The following SEC14L2 variants were observed in gnomAD, a reference collection of about 807,000 sequenced individuals.
The protein encoded by SEC14L2 is SEC14-like protein 2.
In SEC14L2, 50 loss-of-function variants were observed where a neutral mutation model predicts 56.9. The ratio of observed to expected loss-of-function variants is 0.88; its 90% CI spans 0.70 to 1.11. The LOEUF (loss-of-function observed/expected upper bound fraction) is 1.11, where lower values mean the gene tolerates loss of function less well. Ranked by LOEUF, SEC14L2 falls within the 50% of genes most tolerant of loss-of-function variation. SEC14L2 has a pLI of 0.00. For synonymous variants in SEC14L2, 179 were observed against 188.5 expected, an observed-to-expected ratio of 0.95 and a Z score of 0.41; for missense variants, 414 against 500.7, an observed-to-expected ratio of 0.83 and a Z score of 1.65.
chr22:30,407,601 A>C lies in SEC14L2; in HGVS notation c.421A>C (p.Lys141Gln). 6.2e-7 allele frequency: 1 copy of C among 1,613,082 alleles called. No homozygotes were observed. Among genetic ancestry groups the C allele is most frequent in the Non-Finnish European group, 8.5e-7 (1 of 1,179,326 alleles). The change falls in exon 5 of 12, where the codon AAG becomes CAG. Residue 141 changes from lysine to glutamine, a missense_variant and splice_region_variant. Lys to Gln is a moderately conservative substitution (Grantham distance 53). Coordinates refer to ENST00000615189, the MANE Select transcript of SEC14L2 (RefSeq NM_012429.5). ...LLQECAHQTTKLGRKVETITI... is the reference protein window; with the variant it reads ...LLQECAHQTTQLGRKVETITI... The stretch of plus-strand genomic sequence containing the variant: ...GCAAGAGTGTGCCCACCAGACCACA[A>C]AGGTGAGTGGACCACCATGGCTAGA...
intron 11 of SEC14L2, among the ~76,000 whole-genome samples, chr22:30,417,510 C>A (rs763423272): frequency 6.6e-6 from 1 of 152,058 alleles, no homozygotes; most frequent in African/African-American, 2.4e-5. Flanking sequence ...AGGCTAGCTC[C>A]ATGGCCTTTG....
intron 1 of SEC14L2, chr22:30,398,439 G>C (rs1218346458): frequency 3.0e-6 from 1 of 335,480 alleles, no homozygotes; most frequent in East Asian, 7.6e-5. Context: ...CTCTAGGTCA[G>C]TGGTCAGGGA....
intron 1 of SEC14L2, 121 bp from the exon 2 acceptor site, chr22:30,399,513 CAAAAAAAAA>C (rs60817387): frequency 0.018 from 4,330 of 242,780 alleles, 31 homozygotes; most frequent in Admixed American, 0.041. Context: ...GACTCTATCT[CAAAAAAAAA>C]AAAAAAAAAA....
intron 2 of SEC14L2, among the ~76,000 whole-genome samples, chr22:30,403,170 G>A (rs985625855): frequency 6.6e-6 from 1 of 152,056 alleles, no homozygotes; most frequent in Admixed American, 6.6e-5. Flanking sequence ...AGTCACACAC[G>A]GGCAGAATGT....
intron 2 of SEC14L2, among the ~76,000 whole-genome samples, chr22:30,404,268 T>C (rs988048105): frequency 6.6e-6 from 1 of 152,160 alleles, no homozygotes; most frequent in East Asian, 1.9e-4. Context: ...AGCTGTCCCA[T>C]GCTGCCATGG....
Position 30,415,739 on chromosome 22 carries a change from T to C in SEC14L2, c.665-20T>C. 6.2e-7 allele frequency: 1 copy of C among 1,603,822 alleles called. No individual in the cohort carries two copies. Among genetic ancestry groups the C allele is most frequent in the Non-Finnish European group, 8.5e-7 (1 of 1,170,784 alleles). On this transcript the variant is annotated intron_variant, in intron 8 of 11. Transcript: ENST00000615189. The stretch of plus-strand genomic sequence containing the variant: ...CTAGTGTTGAGATACATCTTTATCC[T>C]TCCTTCCCTCTCCTGCCAGCAAATT...
At chr22:30,401,186 GATTTATTTATTTATTTATTTATTT>G (rs55835116) in intron 2 of SEC14L2, among the ~76,000 whole-genome samples, 1 of 146,326 alleles carries the variant, frequency 6.8e-6, no homozygotes, top group East Asian at 2.0e-4. Flanking sequence ...GGTCTCAAGT[GATTTATTTATTTATTTATTTATTT>G]ATTTATTTAT....
At position 30,399,552 on chromosome 22, in the gene SEC14L2, G is replaced by A. The variant is rs563191492; in HGVS notation, c.55-91G>A. On this transcript the variant is annotated intron_variant, in intron 1 of 11. Coordinates refer to ENST00000615189, the MANE Select transcript of SEC14L2 (RefSeq NM_012429.5). Reference sequence around the variant, plus strand: ...AAAAAAAAAAAGAAACAAAGAAAGAGGCGTCCAGCAAAGATCTCAGTGGAG... The same window carrying A: ...AAAAAAAAAAAGAAACAAAGAAAGAAGCGTCCAGCAAAGATCTCAGTGGAG... 54 of 679,780 alleles carry A rather than the reference G, an allele frequency of 7.9e-5. 1 individual carries two copies. The South Asian group carries it at 1.4e-3, about 17-fold the overall frequency. 42.1% of individuals were successfully genotyped at this position (679,780 alleles called of 1,614,324 possible).
At position 30,422,535 on chromosome 22, in the gene SEC14L2, T is replaced by C; in HGVS notation, c.*128T>C. ...GCTGGAGGACAGACCTCAGGAGCTT[T>C]CATTTCAGTTAGGCAGAGGAAGAGC... On this transcript the variant is annotated 3_prime_UTR_variant, in exon 12 of 12. Transcript: ENST00000615189. 1.7e-6 allele frequency: 2 copies of C among 1,200,512 alleles called. No homozygotes were observed. Among genetic ancestry groups the C allele is most frequent in the East Asian group, 4.9e-5 (2 of 41,144 alleles). 74.4% of individuals were successfully genotyped at this position (1,200,512 alleles called of 1,614,324 possible).
Position 30,410,664 on chromosome 22 carries a change from A to G in SEC14L2, c.649A>G (p.Ile217Val). Residue 217 changes from isoleucine (I) to valine (V), a missense_variant, in exon 8 of 12, where the codon ATC (isoleucine) becomes GTC (valine). Transcript: ENST00000615189. ...CCTGAGTGAGGACACTCGTAAGAAG[A>G]TCATGGTCCTGGGAGGTAAGTGGTC... The part of the protein sequence containing the change: ...PFLSEDTRKK[I>V]MVLGANWKEV... The G allele has an allele frequency of 6.2e-7, 1 of 1,614,130 alleles. No homozygotes were observed. Among genetic ancestry groups the G allele is most frequent in the Non-Finnish European group, 8.5e-7 (1 of 1,179,956 alleles).
At chr22:30,401,487 TTATTTTTATTTTA>T (rs896542588) in intron 2 of SEC14L2, among the ~76,000 whole-genome samples, 2 of 150,732 alleles carry the variant, frequency 1.3e-5, no homozygotes, top group Admixed American at 6.6e-5. Context: ...CACCTGGCTG[TTATTTTTATTTTA>T]TATTTTTATT....
chr22:30,399,040 C>T (rs1933841756), intron 1 of SEC14L2, among the ~76,000 whole-genome samples: 3 of 152,246 alleles, frequency 2.0e-5, no homozygotes, highest in Non-Finnish European at 2.9e-5. Flanking sequence ...CCTACTATCA[C>T]GATTAGCTGG....
intron 1 of SEC14L2, among the ~76,000 whole-genome samples, chr22:30,398,976 C>A (rs1030226112): frequency 2.6e-5 from 4 of 152,180 alleles, no homozygotes; most frequent in African/African-American, 9.7e-5. Flanking sequence ...CAGCGCTGAG[C>A]GACAGGAAAT....
Position 30,423,841 on chromosome 22 carries a change from G to C in SEC14L2, c.*1434G>C, listed in dbSNP as rs1031029463. 2.0e-5 allele frequency: 3 copies of C among 152,292 alleles called. No homozygotes were observed. The highest frequency in any genetic ancestry group is 7.2e-5 in the African/African-American group (3 of 41,474). 9.4% of individuals were successfully genotyped at this position (152,292 alleles called of 1,614,324 possible). ...TGAATAAAGCAACGTTCAGTGCGCAGGGAGTGAAATTCAATGCCCACCGCT... is the reference window on the plus strand; with the variant it reads ...TGAATAAAGCAACGTTCAGTGCGCACGGAGTGAAATTCAATGCCCACCGCT... On this transcript the variant is annotated 3_prime_UTR_variant, in exon 12 of 12. Transcript: ENST00000615189.
chr22:30,400,894 CAAAAAAAAAAAA>C (rs1185861063), intron 2 of SEC14L2, among the ~76,000 whole-genome samples: 2 of 48,598 alleles, frequency 4.1e-5, no homozygotes, highest in African/African-American at 9.8e-5. Context: ...GACTCCGTCT[CAAAAAAAAAAAA>C]AAAAAAAAAA....
chr22:30,422,665 C>T lies in SEC14L2; in HGVS notation c.*258C>T, dbSNP rs1055770822. 4 of 385,884 alleles carry T rather than the reference C, an allele frequency of 1.0e-5. No homozygotes were observed. The highest frequency in any genetic ancestry group is 1.9e-5 in the Non-Finnish European group (4 of 212,902). 23.9% of individuals were successfully genotyped at this position (385,884 alleles called of 1,614,324 possible). The stretch of plus-strand genomic sequence containing the variant: ...GTCCTGTAAACTGTGCCAACTTCAC[C>T]TGTCCAGGGACAGCGAAGCTGGGGG... On this transcript the variant is annotated 3_prime_UTR_variant, in exon 12 of 12. Coordinates refer to ENST00000615189, the MANE Select transcript of SEC14L2 (RefSeq NM_012429.5).
chr22:30,417,587 A>T (rs1164100259), intron 11 of SEC14L2, among the ~76,000 whole-genome samples: 1 of 152,118 alleles, frequency 6.6e-6, no homozygotes, highest in Non-Finnish European at 1.5e-5. Flanking sequence ...GGGATACCTG[A>T]TGATTTGATG....
chr22:30,407,786 C>CATCATG, intron 5 of SEC14L2, among the ~76,000 whole-genome samples, 183 bp downstream of exon 5: 1 of 148,358 alleles, frequency 6.7e-6, no homozygotes, highest in East Asian at 2.0e-4. Context: ...CCAGGCTGGT[C>CATCATG]TTGAACTCCT....
intron 8 of SEC14L2, among the ~76,000 whole-genome samples, chr22:30,412,706 C>T (rs555998552): frequency 6.6e-6 from 1 of 151,638 alleles, no homozygotes; most frequent in East Asian, 1.9e-4. Context: ...TGCCTGTAGT[C>T]CCAGCTACAT....
Sources: gnomAD v4.1 joint callset for allele counts (sites outside exome capture counted in the v4.1 genomes callset) on GRCh38, gnomAD v4.1.1 for gene constraint, MANE v1.5 for transcripts, NCBI Gene and HGNC (gene_info 2026-07-23, HGNC 2026-07-21) for gene names.